Variants in TTBK1 observed in about 807,000 individuals in gnomAD.
TTBK1 encodes the protein tau-tubulin kinase 1.
TTBK1 carries 34 observed loss-of-function variants against 108.5 expected under a neutral mutation model. That is an observed-to-expected ratio of 0.31 (90% confidence interval 0.24 to 0.42). The LOEUF (loss-of-function observed/expected upper bound fraction) is 0.42, where lower values mean the gene tolerates loss of function less well. Among genes scored for constraint, TTBK1 ranks in the 10% least tolerant of loss-of-function variants. The pLI is 1.00. For synonymous variants in TTBK1, 809 were observed against 795.1 expected (o/e 1.02, Z -0.29); for missense variants, 1,539 against 1,826.0 (o/e 0.84, Z 2.86).
rs780506067 is a variant in TTBK1, at chr6:43,253,590, G to A, written c.353G>A (p.Arg118His). 6.2e-7 allele frequency: 1 copy of A among 1,611,294 alleles called. No homozygotes were observed. The highest frequency in any genetic ancestry group is 1.7e-5 in the Admixed American group (1 of 59,886). Reference sequence around the variant, plus strand: ...CAGGGCCGGAACCTGGCCGACCTGCGCCGTAGCCAGCCGCGAGGCACCTTC... The same window carrying A: ...CAGGGCCGGAACCTGGCCGACCTGCACCGTAGCCAGCCGCGAGGCACCTTC... Reference protein sequence around the residue: ...QLQGRNLADLRRSQPRGTFTL... With the variant: ...QLQGRNLADLHRSQPRGTFTL... The change falls in exon 5 of 15, where the codon CGC becomes CAC. Residue 118 changes from arginine (R) to histidine (H), a missense_variant. By Grantham distance (29) the Arg-to-His change is conservative. This residue lies in a region of TTBK1 where 155 missense variants were observed against 348.5 expected (regional missense o/e 0.44). Transcript: ENST00000259750. The surrounding 1 kb of genome is among the most constrained non-coding windows in gnomAD (Gnocchi z 5.8).
At chr6:43,260,309 G>A (rs924568311) in intron 12 of TTBK1, among the ~76,000 whole-genome samples, 2 of 152,180 alleles carry the variant, frequency 1.3e-5, no homozygotes, top group Admixed American at 6.5e-5. Flanking sequence ...GCCAGGGCCC[G>A]GTCCCCATCT....
Position 43,255,053 on chromosome 6 carries a change from G to A in TTBK1, c.581G>A (p.Arg194Gln). 1 of 1,613,694 alleles carries A rather than the reference G, an allele frequency of 6.2e-7. No homozygotes were observed. Among genetic ancestry groups the A allele is most frequent in the Non-Finnish European group, 8.5e-7 (1 of 1,179,878 alleles). The stretch of plus-strand genomic sequence containing the variant: ...TTGGTGGTCTCCCTTCTGCAGCCTC[G>A]GAATGTGGCCGGGTTTCGAGGAACG... The part of the protein sequence containing the change: ...TNTTGDVRPP[R>Q]NVAGFRGTVR... Residue 194 changes from arginine to glutamine, a missense_variant, in exon 7 of 15, where the codon CGG (arginine) becomes CAG (glutamine). Physicochemically the swap from Arg to Gln is conservative, Grantham distance 43 (BLOSUM62 1). Transcript: ENST00000259750.
chr6:43,262,115 G>T (rs1281429930), intron 12 of TTBK1, among the ~76,000 whole-genome samples: 3 of 152,208 alleles, frequency 2.0e-5, no homozygotes, highest in African/African-American at 7.2e-5. Context: ...CTACATTGGG[G>T]GTGGGCCGTA....
At chr6:43,252,916 G>A (rs1777282544) in intron 3 of TTBK1, 30 bp downstream of exon 3, 1 of 1,610,920 alleles carries the variant, frequency 6.2e-7, no homozygotes, top group Non-Finnish European at 8.5e-7. Context: ...GGATGGGAAG[G>A]AAGAGATGAT....
At position 43,283,573 on chromosome 6, in the gene TTBK1, G is replaced by C. The variant is rs527644853; in HGVS notation, c.2833G>C (p.Gly945Arg). 1.9e-6 allele frequency: 3 copies of C among 1,614,172 alleles called. No homozygotes were observed. The highest frequency in any genetic ancestry group is 2.2e-5 in the South Asian group (2 of 91,088). The stretch of plus-strand genomic sequence containing the variant: ...AACCCACCTCAACGTCATGTCTTCC[G>C]GTGGACAAGCCTTGCGGTCTGAGGA... ...EKTHLNVMSS[G>R]GQALRSEEFS... Residue 945 changes from glycine to arginine, a missense_variant, in exon 14 of 15, where the codon GGT (glycine) becomes CGT (arginine). Gly to Arg is a moderately radical substitution (Grantham distance 125, BLOSUM62 -2). Coordinates refer to ENST00000259750, the MANE Select transcript of TTBK1 (RefSeq NM_032538.3). This position sits in a 1 kb window ranked among gnomAD's most constrained non-coding sequence, Gnocchi z 8.1.
chr6:43,255,926 C>T (rs923764407), intron 9 of TTBK1, 70 bp downstream of exon 9: 19 of 1,586,388 alleles, frequency 1.2e-5, no homozygotes, highest in Admixed American at 1.0e-4. Flanking sequence ...CAGCAGACCT[C>T]GCTCCTGCTG....
At chr6:43,246,578 G>T (rs1027326300) in intron 1 of TTBK1, 29 bp from the exon 2 acceptor site, 12 of 1,085,536 alleles carry the variant, frequency 1.1e-5, no homozygotes, top group Non-Finnish European at 1.6e-5. Flanking sequence ...TCCGCAGCCC[G>T]CCCTCACAGG....
intron 9 of TTBK1, 93 bp downstream of exon 9, chr6:43,255,949 C>A (rs2150688400): frequency 6.7e-7 from 1 of 1,491,972 alleles, no homozygotes; most frequent in Non-Finnish European, 9.2e-7. Context: ...GCTCCACAGC[C>A]CTGCCTTGTC....
chr6:43,254,958 C>A, intron 6 of TTBK1, 91 bp from the exon 7 acceptor site: 1 of 1,292,288 alleles, frequency 7.7e-7, no homozygotes, highest in South Asian at 1.2e-5. Context: ...GGGAGGTGGT[C>A]AGGGTGAAGA....
At chr6:43,248,459 A>G (rs1432364245) in intron 2 of TTBK1, among the ~76,000 whole-genome samples, 4 of 152,216 alleles carry the variant, frequency 2.6e-5, no homozygotes, top group Non-Finnish European at 4.4e-5. Context: ...ATGGTGGCCC[A>G]TACCTGTAAT....
chr6:43,257,944 C>T lies in TTBK1; in HGVS notation c.994C>T (p.Arg332Trp). Residue 332 changes from arginine to tryptophan, a missense_variant, in exon 10 of 15, where the codon CGG (arginine) becomes TGG (tryptophan). Arg to Trp is a moderately radical substitution (Grantham distance 101). Coordinates refer to ENST00000259750, the MANE Select transcript of TTBK1 (RefSeq NM_032538.3). This position sits in a 1 kb window ranked among gnomAD's most constrained non-coding sequence, Gnocchi z 4.5. ...STSTPPQQNT[R>W]QTAAMFGVVN... is the part of the protein sequence containing the mutation. ...CTCTACCCCGCCCCAGCAGAACACC[C>T]GGCAGACGGCAGCCATGTTTGGGTG... The T allele has an allele frequency of 6.2e-7, 1 of 1,613,250 alleles. No homozygotes were observed. Among genetic ancestry groups the T allele is most frequent in the Non-Finnish European group, 8.5e-7 (1 of 1,179,786 alleles).
At chr6:43,264,477 C>T (rs564380083) in intron 13 of TTBK1, among the ~76,000 whole-genome samples, 54 of 152,238 alleles carry the variant, frequency 3.5e-4, no homozygotes, top group Admixed American at 5.9e-4. Context: ...AGAGGGATCT[C>T]GCCTGGAAAT....
At chr6:43,284,681 T>A (rs569173980) in intron 14 of TTBK1, among the ~76,000 whole-genome samples, 10 of 152,208 alleles carry the variant, frequency 6.6e-5, no homozygotes, top group Non-Finnish European at 1.5e-4. Context: ...CATATTAATA[T>A]AAACATAGGT....
In TTBK1 at chr6:43,287,029, C is replaced by T. The variant is rs915796827; in HGVS notation, c.*1653C>T. 6.5e-6 allele frequency: 1 copy of T among 152,720 alleles called. No individual in the cohort carries two copies. 9.5% of individuals were successfully genotyped at this position (152,720 alleles called of 1,614,324 possible). On this transcript the variant is annotated 3_prime_UTR_variant, in exon 15 of 15. Transcript: ENST00000259750. The surrounding 1 kb of genome is among the most constrained non-coding windows in gnomAD (Gnocchi z 4.1). Reference sequence around the variant, plus strand: ...AGCTGACCCTGAAAGCAGCCTCCCCCTCATGGAGAGTCAGCAGCTTGGGCA... The same window carrying T: ...AGCTGACCCTGAAAGCAGCCTCCCCTTCATGGAGAGTCAGCAGCTTGGGCA...
At chr6:43,251,666 C>T (rs1256870822) in intron 2 of TTBK1, among the ~76,000 whole-genome samples, 1 of 152,176 alleles carries the variant, frequency 6.6e-6, no homozygotes, top group Non-Finnish European at 1.5e-5. Context: ...GGTTCTCCTC[C>T]CCGCCTTTCT....
In TTBK1 at chr6:43,283,611, G is replaced by C; in HGVS notation, c.2871G>C (p.Gly957=). The C allele has an allele frequency of 6.2e-7, 1 of 1,614,148 alleles. No individual in the cohort carries two copies. Among genetic ancestry groups the C allele is most frequent in the Non-Finnish European group, 8.5e-7 (1 of 1,179,998 alleles). The change falls in exon 14 of 15, where the codon GGG becomes GGC. Residue 957 remains glycine, a synonymous_variant. Transcript: ENST00000259750. The surrounding 1 kb of genome is among the most constrained non-coding windows in gnomAD (Gnocchi z 8.1). ...QALRSEEFSA[G]GELGLELASD... is the part of the protein sequence containing the mutation. ...TGCGGTCTGAGGAGTTCAGCGCTGG[G>C]GGCGAGCTGGGTCTGGAGCTGGCCT...
At chr6:43,284,344 A>T (rs1238850958) in intron 14 of TTBK1, 32 bp downstream of exon 14, 1 of 1,526,270 alleles carries the variant, frequency 6.6e-7, no homozygotes, top group African/African-American at 1.4e-5. Context: ...CAGGGTGGGC[A>T]GAGGGTGGCC....
chr6:43,263,140 C>A lies in TTBK1; in HGVS notation c.1776C>A (p.Thr592=), dbSNP rs1432948307. The change falls in exon 13 of 15, where the codon ACC becomes ACA. Residue 592 remains threonine, a synonymous_variant. Coordinates refer to ENST00000259750, the MANE Select transcript of TTBK1 (RefSeq NM_032538.3). The surrounding 1 kb of genome is among the most constrained non-coding windows in gnomAD (Gnocchi z 4.7). ...EERRRLGAEP[T]VRPRGRSMQA... ...GGCGGCGGCTGGGGGCAGAGCCCACCGTCCGGCCCCGGGGACGCAGCATGC... is the reference window on the plus strand; with the variant it reads ...GGCGGCGGCTGGGGGCAGAGCCCACAGTCCGGCCCCGGGGACGCAGCATGC... The A allele has an allele frequency of 6.4e-7, 1 of 1,565,902 alleles. No individual in the cohort carries two copies. The highest frequency in any genetic ancestry group is 2.3e-5 in the East Asian group (1 of 42,732).
At chr6:43,266,819 A>G (rs968569995) in intron 13 of TTBK1, among the ~76,000 whole-genome samples, 2 of 151,846 alleles carry the variant, frequency 1.3e-5, no homozygotes, top group African/African-American at 4.8e-5. Flanking sequence ...GGGTTTCTCC[A>G]TGTTGAGGCT....
Sources: gnomAD v4.1 joint callset for allele counts (sites outside exome capture counted in the v4.1 genomes callset) on GRCh38, gnomAD v4.1.1 for gene constraint, gnomAD v4.1.1 regional missense constraint, Gnocchi (gnomAD v3.1) non-coding constraint, MANE v1.5 for transcripts, NCBI Gene and HGNC (gene_info 2026-07-23, HGNC 2026-07-21) for gene names.